TMC6: variants seen among roughly 807,000 people sequenced by gnomAD.
TMC6 encodes transmembrane channel like 6.
In TMC6, 71 loss-of-function variants were observed where a neutral mutation model predicts 95.4. The observed-to-expected ratio is 0.74, with a 90% CI of 0.61 to 0.91. The LOEUF (loss-of-function observed/expected upper bound fraction) is 0.91, where lower values mean the gene tolerates loss of function less well. Ranked by LOEUF, TMC6 falls within the 40% of genes least tolerant of loss-of-function variation. TMC6 has a pLI of 0.00. For synonymous variants in TMC6, 514 were observed against 483.1 expected (o/e 1.06, Z -0.84); for missense variants, 1,074 against 1,079.1 (o/e 1.00, Z 0.07).
chr17:78,115,714 G>A (rs1346200170), intron 18 of TMC6, among the ~76,000 whole-genome samples: 2 of 9,020 alleles, frequency 2.2e-4, no homozygotes, highest in African/African-American at 6.9e-4. Context: ...CGAAGGGAGT[G>A]GGCACAGGGG....
upstream of TMC6, chr17:78,132,317 C>T (rs375382126): frequency 5.6e-6 from 9 of 1,609,434 alleles, no homozygotes; most frequent in East Asian, 1.6e-4. Flanking sequence ...GGCCCCAGCC[C>T]CGGCCCCGGC....
At chr17:78,114,595 C>T (rs560755591) in intron 18 of TMC6, among the ~76,000 whole-genome samples, 2 of 152,092 alleles carry the variant, frequency 1.3e-5, no homozygotes, top group African/African-American at 4.8e-5. Flanking sequence ...GACCGGGATT[C>T]CCCGCCCGGA....
intron 5 of TMC6, 128 bp downstream of exon 5, chr17:78,125,598 C>A: frequency 1.4e-6 from 2 of 1,397,892 alleles, no homozygotes; most frequent in Non-Finnish European, 1.9e-6. Context: ...CTTCAGGCAG[C>A]CTGCTAAGGG....
At chr17:78,129,178 C>G (rs1353933531), upstream of TMC6, among the ~76,000 whole-genome samples, 1 of 151,494 alleles carries the variant, frequency 6.6e-6, no homozygotes, top group Non-Finnish European at 1.5e-5. The surrounding 1 kb of genome is among the most constrained non-coding windows in gnomAD (Gnocchi z 4.3). Context: ...GCGGGGGGAG[C>G]CTGGTTATCT....
Position 78,113,104 on chromosome 17 carries a change from G to C in TMC6, c.*44C>G, listed in dbSNP as rs2073872185. 1 of 1,547,576 alleles carries C rather than the reference G, an allele frequency of 6.5e-7. No individual in the cohort carries two copies. The highest frequency in any genetic ancestry group is 8.7e-7 in the Non-Finnish European group (1 of 1,144,364). ...AGGGTCACTGGGAGGCAACAGTGTG[G>C]TCTCAGGGTGCTGGGCGGGCCCGTG... On this transcript the variant is annotated 3_prime_UTR_variant, in exon 20 of 20. Transcript: ENST00000590602.
At chr17:78,113,647 G>A in intron 18 of TMC6, 23 bp from the exon 19 acceptor site, 2 of 1,612,146 alleles carry the variant, frequency 1.2e-6, no homozygotes, top group Middle Eastern at 1.7e-4. Flanking sequence ...GAACACAAAG[G>A]GGAGGAGAAA....
chr17:78,121,465 G>A lies in TMC6; in HGVS notation c.1383+91C>T. 2.5e-6 allele frequency: 4 copies of A among 1,585,556 alleles called. No homozygotes were observed. The highest frequency in any genetic ancestry group is 1.7e-6 in the Non-Finnish European group (2 of 1,167,072). On this transcript the variant is annotated intron_variant, in intron 11 of 19. Transcript: ENST00000590602. The surrounding 1 kb of genome is among the most constrained non-coding windows in gnomAD (Gnocchi z 5.6). Reference sequence around the variant, plus strand: ...CACCCTGGGCTGGCTGGGTGGAGGAGGAGAGGCAAGGCTGCCTCCCCAGGG... The same window carrying A: ...CACCCTGGGCTGGCTGGGTGGAGGAAGAGAGGCAAGGCTGCCTCCCCAGGG...
chr17:78,124,744 A>G lies in TMC6; in HGVS notation c.671T>C (p.Leu224Pro). The G allele has an allele frequency of 1.3e-6, 2 of 1,586,114 alleles. No homozygotes were observed. Among genetic ancestry groups the G allele is most frequent in the Non-Finnish European group, 1.7e-6 (2 of 1,166,862 alleles). ...GTAGCGCCACGGCATCAGGGCCTGC[A>G]GGGCGGAGAGCAGCGCCAGGCCCAG... is the stretch of plus-strand genomic sequence containing the variant. ...HSLGLALLSA[L>P]QALMPWRYAL... The change falls in exon 8 of 20, where the codon CTG (leucine) becomes CCG (proline). Residue 224 changes from leucine to proline, a missense_variant. Leu to Pro is a moderately conservative substitution (Grantham distance 98). Coordinates refer to ENST00000590602, the MANE Select transcript of TMC6 (RefSeq NM_001127198.5).
intron 18 of TMC6, among the ~76,000 whole-genome samples, chr17:78,115,238 C>A (rs1178524320): frequency 1.3e-5 from 2 of 152,234 alleles, no homozygotes; most frequent in Non-Finnish European, 2.9e-5. Context: ...TAGCCAGCAG[C>A]AGGGTCACAT....
chr17:78,131,948 G>A (rs1479070455), upstream of TMC6: 6 of 1,511,974 alleles, frequency 4.0e-6, no homozygotes, highest in Non-Finnish European at 5.3e-6. Flanking sequence ...GGCGGCAGAC[G>A]GTGGAAAGGC....
chr17:78,124,542 C>T lies in TMC6; in HGVS notation c.873G>A (p.Leu291=). The change falls in exon 8 of 20, where the codon CTG becomes CTA. Residue 291 remains leucine, a synonymous_variant. Transcript: ENST00000590602. ...LPGPAPVCTG[L]ELLTGAGCFT... is the part of the protein sequence containing the mutation. ...TCCTCACCGCGCCTGTGAGGAGCTC[C>T]AGGCCTGTGCAGACGGGGGCAGGGC... 1 of 1,611,574 alleles carries T rather than the reference C, an allele frequency of 6.2e-7. No individual in the cohort carries two copies. The highest frequency in any genetic ancestry group is 8.5e-7 in the Non-Finnish European group (1 of 1,179,808).
chr17:78,122,793 G>A lies in TMC6; in HGVS notation c.1083-44C>T, dbSNP rs1028041765. On this transcript the variant is annotated intron_variant, in intron 9 of 19. Transcript: ENST00000590602. This position sits in a 1 kb window ranked among gnomAD's most constrained non-coding sequence, Gnocchi z 4.9. ...AGACATGGCAACCAACAAGCTGACGGGCAGAGGCCAAGGGGAGAAGGCAGA... is the reference window on the plus strand; with the variant it reads ...AGACATGGCAACCAACAAGCTGACGAGCAGAGGCCAAGGGGAGAAGGCAGA... 9 of 1,595,496 alleles carry A rather than the reference G, an allele frequency of 5.6e-6. No homozygotes were observed. The Admixed American group carries it at 1.4e-4, about 24-fold the overall frequency.
chr17:78,115,057 C>T (rs146260395), intron 18 of TMC6, among the ~76,000 whole-genome samples: 1 of 152,242 alleles, frequency 6.6e-6, no homozygotes, highest in Non-Finnish European at 1.5e-5. Context: ...AGCCAGACAA[C>T]CACCGCAGCC....
Position 78,119,360 on chromosome 17 carries a change from C to T in TMC6, c.1748G>A (p.Arg583Gln), listed in dbSNP as rs147815166. 2,021 of 1,614,050 alleles carry T rather than the reference C, an allele frequency of 1.3e-3. No homozygotes were observed. The highest frequency in any genetic ancestry group is 2.9e-3 in the African/African-American group (219 of 75,052). ...IISEKKLKRR[R>Q]KPEFDIARNV... ...CCGGGCAATGTCAAACTCCGGCTTC[C>T]GCCTCCTCTTCAGCTTCTTCTCGGA... The change falls in exon 14 of 20, where the codon CGG (arginine) becomes CAG (glutamine). Residue 583 changes from arginine (R) to glutamine (Q), a missense_variant. Coordinates refer to ENST00000590602, the MANE Select transcript of TMC6 (RefSeq NM_001127198.5).
intron 1 of TMC6, 134 bp from the exon 2 acceptor site, chr17:78,127,040 G>T: frequency 1.6e-6 from 1 of 644,866 alleles, no homozygotes; most frequent in Non-Finnish European, 2.7e-6. Flanking sequence ...TATCACCCCA[G>T]GTACATAAAT....
chr17:78,126,509 C>T lies in TMC6; in HGVS notation c.181+15G>A. The T allele has an allele frequency of 6.2e-7, 1 of 1,613,000 alleles. No homozygotes were observed. Among genetic ancestry groups the T allele is most frequent in the Non-Finnish European group, 8.5e-7 (1 of 1,179,992 alleles). The stretch of plus-strand genomic sequence containing the variant: ...GTCTTGGTCCACACCACCCAGCATC[C>T]AGGCCTGAGCTCACCTGTCACCTCC... On this transcript the variant is annotated intron_variant, in intron 3 of 19. Coordinates refer to ENST00000590602, the MANE Select transcript of TMC6 (RefSeq NM_001127198.5).
rs1261014552 is a variant in TMC6 at position 78,108,694 on chromosome 17, G to A, written c.*4454C>T. Reference sequence around the variant, plus strand: ...TAGGGACCCCACGCAAAGACCTCGTGGGCCTGGGTGTCCAGGGCACCATTT... The same window carrying A: ...TAGGGACCCCACGCAAAGACCTCGTAGGCCTGGGTGTCCAGGGCACCATTT... On this transcript the variant is annotated 3_prime_UTR_variant, in exon 20 of 20. Coordinates refer to ENST00000590602, the MANE Select transcript of TMC6 (RefSeq NM_001127198.5). 1 of 154,490 alleles carries A rather than the reference G, an allele frequency of 6.5e-6. No homozygotes were observed. The highest frequency in any genetic ancestry group is 1.5e-5 in the Non-Finnish European group (1 of 68,186). 9.6% of individuals were successfully genotyped at this position (154,490 alleles called of 1,614,324 possible). A position where few individuals can be genotyped will look rare whatever the true frequency, so the allele number is the denominator to read the frequency against.
In TMC6 at chr17:78,113,124, C is replaced by T; in HGVS notation, c.*24G>A. The T allele has an allele frequency of 3.2e-6, 5 of 1,550,718 alleles. No individual in the cohort carries two copies. Among genetic ancestry groups the T allele is most frequent in the Non-Finnish European group, 4.4e-6 (5 of 1,146,884 alleles). On this transcript the variant is annotated 3_prime_UTR_variant, in exon 20 of 20. Transcript: ENST00000590602. ...GTGTGGTCTCAGGGTGCTGGGCGGG[C>T]CCGTGAGGCCCATCGCCGTCCCCCT...
chr17:78,108,201 G>A lies in TMC6; in HGVS notation c.*4947C>T, dbSNP rs1417799985. Reference sequence around the variant, plus strand: ...AAGGTCAAAGGTGGACCCGCCCACTGTGGGTCAATTCCTTCGAAAAGATGG... The same window carrying A: ...AAGGTCAAAGGTGGACCCGCCCACTATGGGTCAATTCCTTCGAAAAGATGG... On this transcript the variant is annotated 3_prime_UTR_variant, in exon 20 of 20. Coordinates refer to ENST00000590602, the MANE Select transcript of TMC6 (RefSeq NM_001127198.5). The A allele has an allele frequency of 1.3e-5, 2 of 152,570 alleles. No individual in the cohort carries two copies. The highest frequency in any genetic ancestry group is 6.5e-5 in the Admixed American group (1 of 15,282). 9.5% of individuals were successfully genotyped at this position (152,570 alleles called of 1,614,324 possible). A position where few individuals can be genotyped will look rare whatever the true frequency, so the allele number is the denominator to read the frequency against.
Sources: gnomAD v4.1 joint callset for allele counts (sites outside exome capture counted in the v4.1 genomes callset) on GRCh38, gnomAD v4.1.1 for gene constraint, Gnocchi (gnomAD v3.1) non-coding constraint, MANE v1.5 for transcripts, NCBI Gene and HGNC (gene_info 2026-07-23, HGNC 2026-07-21) for gene names.